Variants in CNBD1 observed in about 807,000 individuals in gnomAD.
CNBD1 encodes the protein cyclic nucleotide-binding domain-containing protein 1.
In CNBD1, 71 loss-of-function variants were observed where a neutral mutation model predicts 54.4. That is an observed-to-expected ratio of 1.30 (90% CI 1.08 to 1.59). The LOEUF is 1.59. CNBD1 is among the 40% of genes most tolerant of loss of function. The probability of loss-of-function intolerance (pLI) is 0.00; values close to 1 mark genes in which losing one functional copy is unlikely to be tolerated. For missense variants in CNBD1, 659 were observed against 518.0 expected, an observed-to-expected ratio of 1.27 and a Z score of -2.64; for synonymous variants, 182 against 170.7, an observed-to-expected ratio of 1.07 and a Z score of -0.51.
At chr8:87,378,803 A>G (rs1273147002) in intron 10 of CNBD1, among the ~76,000 whole-genome samples, 7 of 150,880 alleles carry the variant, frequency 4.6e-5, no homozygotes, top group Middle Eastern at 3.4e-3. Context: ...ATGTTCTTCC[A>G]TTTGTTTGTA....
At chr8:87,039,599 G>T (rs1451491274) in intron 4 of CNBD1, among the ~76,000 whole-genome samples, 10 of 152,196 alleles carry the variant, frequency 6.6e-5, no homozygotes, top group Admixed American at 3.9e-4. Flanking sequence ...CACCTTGCCA[G>T]CTGCCTAGAT....
chr8:87,259,162 A>G (rs1808084353), intron 6 of CNBD1, among the ~76,000 whole-genome samples: 1 of 152,170 alleles, frequency 6.6e-6, no homozygotes, highest in South Asian at 2.1e-4. Context: ...TTCACAACTT[A>G]TACAGGCTAT....
intron 6 of CNBD1, among the ~76,000 whole-genome samples, chr8:87,274,838 C>G (rs1161099000): frequency 2.2e-5 from 3 of 134,672 alleles, no homozygotes; most frequent in Admixed American, 1.4e-4. Flanking sequence ...ACATGAAGTC[C>G]TTGCCCATGC....
At chr8:87,288,470 A>T (rs1808734652) in intron 8 of CNBD1, among the ~76,000 whole-genome samples, 1 of 152,026 alleles carries the variant, frequency 6.6e-6, no homozygotes, top group African/African-American at 2.4e-5. Flanking sequence ...CATCATAAAG[A>T]TATTTTAAAT....
chr8:87,222,087 A>G (rs1320297499), intron 5 of CNBD1, among the ~76,000 whole-genome samples: 1 of 152,108 alleles, frequency 6.6e-6, no homozygotes, highest in Non-Finnish European at 1.5e-5. Context: ...GAGATTCCAT[A>G]AATTAATCCA....
At chr8:86,985,356 A>G (rs1586180421) in intron 4 of CNBD1, among the ~76,000 whole-genome samples, 1 of 152,142 alleles carries the variant, frequency 6.6e-6, no homozygotes, top group Non-Finnish European at 1.5e-5. Context: ...TGAGCATATT[A>G]CCCACTAGCC....
intron 2 of CNBD1, among the ~76,000 whole-genome samples, chr8:87,388,535 C>A (rs1424606124): frequency 6.6e-6 from 1 of 152,144 alleles, no homozygotes; most frequent in East Asian, 1.9e-4. Flanking sequence ...CATACACACT[C>A]CCAAGACTAA....
chr8:87,009,289 T>G (rs2130557787), intron 4 of CNBD1, among the ~76,000 whole-genome samples: 1 of 152,060 alleles, frequency 6.6e-6, no homozygotes, highest in South Asian at 2.1e-4. Flanking sequence ...CAAACCATTA[T>G]TTTTTATTTT....
intron 10 of CNBD1, among the ~76,000 whole-genome samples, chr8:87,365,112 AGT>A (rs138702932): frequency 0.019 from 2,847 of 152,170 alleles, 90 homozygotes; most frequent in African/African-American, 0.062. Flanking sequence ...TCGCACCAAC[AGT>A]GTATAAGTGT....
At chr8:87,217,175 A>C (rs1463264008) in intron 5 of CNBD1, among the ~76,000 whole-genome samples, 5 of 152,164 alleles carry the variant, frequency 3.3e-5, no homozygotes, top group Non-Finnish European at 7.4e-5. Context: ...GAAAATAATA[A>C]ATATGTGTTT....
chr8:86,964,958 C>T (rs537460210), intron 4 of CNBD1, among the ~76,000 whole-genome samples: 2 of 152,164 alleles, frequency 1.3e-5, no homozygotes, highest in Non-Finnish European at 2.9e-5. Context: ...TATGGAAAAG[C>T]TTTCTTCTTG....
intron 4 of CNBD1, among the ~76,000 whole-genome samples, chr8:87,010,399 TC>T (rs965316526): frequency 2.0e-5 from 3 of 152,300 alleles, no homozygotes; most frequent in Admixed American, 6.5e-5. Flanking sequence ...TCTACTAGGT[TC>T]TTTTTTTCTG....
intron 4 of CNBD1, among the ~76,000 whole-genome samples, chr8:87,129,396 G>T (rs903998021): frequency 6.6e-6 from 1 of 151,982 alleles, no homozygotes; most frequent in Non-Finnish European, 1.5e-5. Flanking sequence ...CAATCATTAT[G>T]CAGGTTATTG....
intron 9 of CNBD1, 82 bp downstream of exon 9, chr8:87,351,876 G>T (rs1051698421): frequency 4.9e-6 from 6 of 1,236,142 alleles, no homozygotes; most frequent in Middle Eastern, 2.1e-4. Flanking sequence ...GTACTTACTA[G>T]ACATTTATTT....
intron 4 of CNBD1, among the ~76,000 whole-genome samples, chr8:87,049,457 A>T (rs1335883202): frequency 6.6e-6 from 1 of 152,146 alleles, no homozygotes; most frequent in Non-Finnish European, 1.5e-5. Context: ...CAGCTAGTTG[A>T]GCACTGATGC....
chr8:87,243,660 C>T (rs79705264), intron 6 of CNBD1, among the ~76,000 whole-genome samples: 8,378 of 151,960 alleles, frequency 0.055, 339 homozygotes, highest in Non-Finnish European at 0.088. Flanking sequence ...ATATGCAACA[C>T]AACTACTATA....
chr8:87,124,720 C>A (rs896014873), intron 4 of CNBD1, among the ~76,000 whole-genome samples: 2 of 151,668 alleles, frequency 1.3e-5, no homozygotes, highest in African/African-American at 4.8e-5. Context: ...AAGTTAAAAG[C>A]TTTTCCTTCA....
intron 4 of CNBD1, among the ~76,000 whole-genome samples, chr8:86,951,557 G>A (rs1209381615): frequency 9.4e-6 from 1 of 106,838 alleles, no homozygotes. Context: ...TCCAGCCTGG[G>A]TGACAGAGCG....
chr8:87,273,354 A>G (rs770980204), intron 6 of CNBD1, among the ~76,000 whole-genome samples: 1 of 150,616 alleles, frequency 6.6e-6, no homozygotes, highest in African/African-American at 2.5e-5. Flanking sequence ...CATAGGAAGA[A>G]GAAACGTTCT....
Sources: allele counts gnomAD v4.1 joint callset (sites outside exome capture counted in the v4.1 genomes callset), GRCh38; gene constraint gnomAD v4.1.1; transcripts MANE v1.5; gene names NCBI Gene and HGNC (gene_info 2026-07-23, HGNC 2026-07-21).